ARID5B: variants seen among roughly 807,000 people sequenced by gnomAD.
ARID5B encodes AT-rich interaction domain 5B.
Under a neutral mutation model 97.2 loss-of-function variants are expected in ARID5B, and 13 were observed. The observed-to-expected ratio is 0.13, with a 90% CI of 0.09 to 0.21. The LOEUF is 0.21. ARID5B is among the 10% of genes least tolerant of loss of function. The pLI, the probability that ARID5B is intolerant of heterozygous loss-of-function variation, is 1.00. For synonymous variants in ARID5B, 556 were observed against 570.3 expected (o/e 0.97, Z 0.36); for missense variants, 1,210 against 1,465.3 (o/e 0.83, Z 2.84).
chr10:61,909,934 T>G (rs1205817372), intron 2 of ARID5B, among the ~76,000 whole-genome samples: 3 of 152,196 alleles, frequency 2.0e-5, no homozygotes, highest in Non-Finnish European at 2.9e-5. Context: ...AATTTTCCAG[T>G]CTCAGCAGTC....
At chr10:61,902,620 T>G (rs1205729236) in intron 2 of ARID5B, among the ~76,000 whole-genome samples, 2 of 152,126 alleles carry the variant, frequency 1.3e-5, no homozygotes, top group Middle Eastern at 3.2e-3. Flanking sequence ...AGGATCCAAC[T>G]GCTGATTTTA....
At chr10:62,044,603 T>G (rs1839683297) in intron 4 of ARID5B, among the ~76,000 whole-genome samples, 1 of 152,060 alleles carries the variant, frequency 6.6e-6, no homozygotes, top group Admixed American at 6.6e-5. Context: ...AAGTTCCCGG[T>G]CAAGCAATAT....
rs1452685576 is a variant in ARID5B, at chr10:62,094,581, G to T, written c.*1551G>T. The T allele has an allele frequency of 4.3e-6, 1 of 231,428 alleles. No homozygotes were observed. Among genetic ancestry groups the T allele is most frequent in the Admixed American group, 5.6e-5 (1 of 17,704 alleles). The allele number at this position is 231,428 out of a possible 1,614,324, so 14.3% of individuals were successfully genotyped here. ...GGGAAGTAAATGGTCAAGCTGCTCA[G>T]GCAGTGAAAAGATGTGGAGAATGTC... On this transcript the variant is annotated 3_prime_UTR_variant, in exon 10 of 10. Coordinates refer to ENST00000279873, the MANE Select transcript of ARID5B (RefSeq NM_032199.3).
intron 7 of ARID5B, among the ~76,000 whole-genome samples, chr10:62,066,047 C>T (rs924466108): frequency 3.3e-5 from 5 of 152,112 alleles, no homozygotes; most frequent in Admixed American, 1.3e-4. Flanking sequence ...AGGAGGCAGA[C>T]GTTGGTTTTA....
rs528175883 is a variant in ARID5B at position 61,903,398 on chromosome 10, G to T, written c.276+985G>T. ...GGGGCGGCCGCCTCCCTTCGGCTCT[G>T]TCATTTCATGTGTGACCGCAGTTCT... On this transcript the variant is annotated intron_variant, in intron 2 of 9. Transcript: ENST00000279873. Among the ~76,000 whole-genome samples the T allele has an allele frequency of 1.8e-4, 28 of 152,344 alleles. No homozygotes were observed. In the East Asian group the frequency reaches 5.4e-3, roughly 29 times the overall value.
intron 3 of ARID5B, among the ~76,000 whole-genome samples, chr10:61,957,829 T>C (rs1281370708): frequency 6.6e-6 from 1 of 152,258 alleles, no homozygotes; most frequent in Non-Finnish European, 1.5e-5. Flanking sequence ...TGGACAGTGC[T>C]GATCTAGAGA....
chr10:62,087,505 T>C (rs1352762206), intron 9 of ARID5B, among the ~76,000 whole-genome samples: 1 of 147,362 alleles, frequency 6.8e-6, no homozygotes, highest in South Asian at 2.2e-4. Flanking sequence ...CATTTCAACA[T>C]GAATAATAAA....
intron 3 of ARID5B, among the ~76,000 whole-genome samples, chr10:61,980,418 A>T (rs1009715071): frequency 1.3e-5 from 2 of 151,724 alleles, no homozygotes; most frequent in South Asian, 4.2e-4. Context: ...TCTTAAAACG[A>T]TTTATTCTGG....
chr10:62,093,149 T>G lies in ARID5B; in HGVS notation c.*119T>G. ...TCTTCTAATCTGAGGCTATGATCAGTCCCAGCTGTAGGGGCCCAGAGGGGA... is the reference window on the plus strand; with the variant it reads ...TCTTCTAATCTGAGGCTATGATCAGGCCCAGCTGTAGGGGCCCAGAGGGGA... On this transcript the variant is annotated 3_prime_UTR_variant, in exon 10 of 10. Transcript: ENST00000279873. The G allele has an allele frequency of 6.9e-7, 1 of 1,443,980 alleles. No individual in the cohort carries two copies. The highest frequency in any genetic ancestry group is 9.2e-7 in the Non-Finnish European group (1 of 1,087,430). 89.4% of individuals were successfully genotyped at this position (1,443,980 alleles called of 1,614,324 possible). A position where few individuals can be genotyped will look rare whatever the true frequency, so the allele number is the denominator to read the frequency against.
chr10:62,067,163 G>A (rs1293257494), intron 7 of ARID5B, among the ~76,000 whole-genome samples: 4 of 151,780 alleles, frequency 2.6e-5, no homozygotes, highest in South Asian at 4.2e-4. Context: ...TCAGCTCACC[G>A]CAACCTCTGC....
intron 2 of ARID5B, among the ~76,000 whole-genome samples, chr10:61,934,751 A>C (rs1181980918): frequency 2.0e-5 from 3 of 152,182 alleles, no homozygotes; most frequent in East Asian, 1.9e-4. Flanking sequence ...GCGGTGGCTC[A>C]CACCTGTAAT....
intron 3 of ARID5B, among the ~76,000 whole-genome samples, chr10:61,977,605 C>T (rs1369721706): frequency 6.6e-6 from 1 of 152,172 alleles, no homozygotes; most frequent in Non-Finnish European, 1.5e-5. Context: ...TCTCTGATGG[C>T]CAGTGATGCT....
At chr10:61,977,751 G>A (rs1838720916) in intron 3 of ARID5B, among the ~76,000 whole-genome samples, 1 of 152,108 alleles carries the variant, frequency 6.6e-6, no homozygotes, top group Non-Finnish European at 1.5e-5. Flanking sequence ...TGTAGATTCT[G>A]GATATTAGCC....
Position 62,092,171 on chromosome 10 carries a change from A to T in ARID5B, c.2708A>T (p.Asp903Val). The change falls in exon 10 of 10, where the codon GAT becomes GTT. Residue 903 changes from aspartate to valine, a missense_variant. Asp to Val is a radical substitution (Grantham distance 152). Transcript: ENST00000279873. ...KSAAAEAPTD[D>V]QPTDLSLPKN... Reference sequence around the variant, plus strand: ...GCGGCAGCAGAAGCCCCTACGGATGATCAGCCTACAGATCTGAGCCTTCCC... The same window carrying T: ...GCGGCAGCAGAAGCCCCTACGGATGTTCAGCCTACAGATCTGAGCCTTCCC... The T allele has an allele frequency of 6.2e-7, 1 of 1,609,060 alleles. No homozygotes were observed. The highest frequency in any genetic ancestry group is 8.5e-7 in the Non-Finnish European group (1 of 1,178,024).
At position 62,092,901 on chromosome 10, in the gene ARID5B, G is replaced by A. The variant is rs145677245; in HGVS notation, c.3438G>A (p.Ala1146=). ...AGCAGCTGTACAGACACTTGGCTGC[G>A]GCTACACCTGTAGGAAGTTCATATG... is the stretch of plus-strand genomic sequence containing the variant. ...NSQQLYRHLA[A]ATPVGSSYGD... is the part of the protein sequence containing the mutation. Residue 1146 remains alanine (A), a synonymous_variant, in exon 10 of 10, where the codon GCG becomes GCA. Coordinates refer to ENST00000279873, the MANE Select transcript of ARID5B (RefSeq NM_032199.3). 9.3e-6 allele frequency: 15 copies of A among 1,614,002 alleles called. No individual in the cohort carries two copies. The highest frequency in any genetic ancestry group is 1.3e-5 in the African/African-American group (1 of 74,886).
intron 9 of ARID5B, 122 bp from the exon 10 acceptor site, chr10:62,090,738 ACT>A: frequency 8.1e-7 from 1 of 1,241,114 alleles, no homozygotes; most frequent in East Asian, 2.6e-5. Flanking sequence ...CTTTACAGAA[ACT>A]TCACGAGCTG....
At chr10:61,993,344 G>A (rs1838953422) in intron 3 of ARID5B, among the ~76,000 whole-genome samples, 1 of 152,076 alleles carries the variant, frequency 6.6e-6, no homozygotes, top group Non-Finnish European at 1.5e-5. Flanking sequence ...GTACAACTTT[G>A]GAATTTTAAA....
At chr10:62,073,503 CATT>C (rs1284486049) in intron 8 of ARID5B, among the ~76,000 whole-genome samples, 2 of 152,324 alleles carry the variant, frequency 1.3e-5, no homozygotes, top group East Asian at 1.9e-4. Flanking sequence ...GTGAATACAT[CATT>C]GTCACTGAAG....
At chr10:61,997,502 C>A (rs1839017736) in intron 3 of ARID5B, among the ~76,000 whole-genome samples, 1 of 152,170 alleles carries the variant, frequency 6.6e-6, no homozygotes, top group African/African-American at 2.4e-5. Flanking sequence ...CTCCTTCAAC[C>A]TGAGAGCACA....
Sources: allele counts gnomAD v4.1 joint callset (sites outside exome capture counted in the v4.1 genomes callset), GRCh38; gene constraint gnomAD v4.1.1; transcripts MANE v1.5; gene names NCBI Gene and HGNC (gene_info 2026-07-23, HGNC 2026-07-21).